EPHX1: variants seen among roughly 807,000 people sequenced by gnomAD.
The protein encoded by EPHX1 is epoxide hydratase.
A neutral mutation model predicts 43.2 loss-of-function variants in EPHX1; 40 were observed. The ratio of observed to expected loss-of-function variants is 0.93; its 90% CI spans 0.72 to 1.21. The LOEUF (loss-of-function observed/expected upper bound fraction) is 1.21, where lower values mean the gene tolerates loss of function less well. EPHX1 is among the 50% of genes most tolerant of loss of function. EPHX1 has a pLI of 0.00. For missense variants in EPHX1, 550 were observed against 570.4 expected, an observed-to-expected ratio of 0.96 and a Z score of 0.36; for synonymous variants, 221 against 226.7, an observed-to-expected ratio of 0.98 and a Z score of 0.22.
At chr1:225,832,460 A>G (rs1223257724) in intron 3 of EPHX1, among the ~76,000 whole-genome samples, 1 of 152,218 alleles carries the variant, frequency 6.6e-6, no homozygotes, top group Non-Finnish European at 1.5e-5. Flanking sequence ...GCTTGAAGCC[A>G]GGAGGCGGAG....
At chr1:225,815,813 G>C (rs907458212) in intron 1 of EPHX1, among the ~76,000 whole-genome samples, 1 of 152,210 alleles carries the variant, frequency 6.6e-6, no homozygotes, top group African/African-American at 2.4e-5. Context: ...GGCTTTCAGT[G>C]CTCTCCTGTT....
intron 7 of EPHX1, among the ~76,000 whole-genome samples, chr1:225,843,189 G>A (rs1016085955): frequency 4.1e-5 from 6 of 147,498 alleles, no homozygotes; most frequent in Non-Finnish European, 7.4e-5. Context: ...GCAAAGGACT[G>A]TGAGAGTCCA....
chr1:225,822,268 T>G (rs1667013638), intron 1 of EPHX1, among the ~76,000 whole-genome samples: 1 of 152,178 alleles, frequency 6.6e-6, no homozygotes, highest in Non-Finnish European at 1.5e-5. Context: ...CAACAAAAAT[T>G]GTATTTTCTT....
intron 3 of EPHX1, among the ~76,000 whole-genome samples, chr1:225,835,382 C>CTTTT (rs763161291): frequency 0.044 from 4,001 of 90,838 alleles, 163 homozygotes; most frequent in African/African-American, 0.062. Flanking sequence ...CCACACTAGG[C>CTTTT]TTTTTTTTTT....
intron 3 of EPHX1, among the ~76,000 whole-genome samples, chr1:225,835,826 G>T (rs1234965686): frequency 6.6e-6 from 1 of 151,722 alleles, no homozygotes; most frequent in African/African-American, 2.4e-5. Flanking sequence ...AGGATTATAG[G>T]TGTGAGCCAC....
chr1:225,825,687 G>A (rs3738042), intron 1 of EPHX1: 37,800 of 152,222 alleles, frequency 0.25, 5,103 homozygotes, highest in Non-Finnish European at 0.3. Context: ...GGAGCTCTTC[G>A]CTGTGCTGGG....
In EPHX1 at chr1:225,822,231, G is replaced by A. The variant is rs574496528; in HGVS notation, c.-5-6494G>A. Among the ~76,000 whole-genome samples, 97 of 152,040 alleles carry A rather than the reference G, an allele frequency of 6.4e-4. No individual in the cohort carries two copies. In the South Asian group the frequency reaches 0.019, roughly 30 times the overall value. On this transcript the variant is annotated intron_variant, in intron 1 of 8. Coordinates refer to ENST00000272167, the MANE Select transcript of EPHX1 (RefSeq NM_001136018.4). ...TAAATGACCACTATCTTCCAGTCAC[G>A]TTTTTAAAAAAAATCATGCTGGTTT...
At chr1:225,821,606 C>T (rs1284172835) in intron 1 of EPHX1, among the ~76,000 whole-genome samples, 2 of 120,260 alleles carry the variant, frequency 1.7e-5, no homozygotes, top group South Asian at 5.6e-4. Flanking sequence ...GGTTCTTCCT[C>T]TCAGGCTGGA....
chr1:225,834,589 T>TAAAAAA (rs33985896), intron 3 of EPHX1, among the ~76,000 whole-genome samples: 2 of 121,152 alleles, frequency 1.7e-5, no homozygotes, highest in South Asian at 2.9e-4. Context: ...CCAAGAACAC[T>TAAAAAA]AAAAAAAAAA....
chr1:225,840,719 A>G (rs1323684827), intron 6 of EPHX1, among the ~76,000 whole-genome samples: 1 of 152,176 alleles, frequency 6.6e-6, no homozygotes, highest in Non-Finnish European at 1.5e-5. Context: ...AAATAGCTCA[A>G]TGACAAGGAA....
chr1:225,811,561 C>T (rs1236833065), intron 1 of EPHX1, among the ~76,000 whole-genome samples: 1 of 152,158 alleles, frequency 6.6e-6, no homozygotes, highest in East Asian at 1.9e-4. Flanking sequence ...GTGGCTGTTT[C>T]GGTACCACTG....
chr1:225,844,421 G>A (rs899393291), intron 7 of EPHX1, 77 bp from the exon 8 acceptor site: 3 of 1,611,798 alleles, frequency 1.9e-6, no homozygotes, highest in African/African-American at 1.3e-5. Flanking sequence ...CCTGGCATTT[G>A]TAGGACTTTC....
At chr1:225,836,609 GAAA>G (rs930131452) in intron 3 of EPHX1, among the ~76,000 whole-genome samples, 1 of 150,266 alleles carries the variant, frequency 6.7e-6, no homozygotes, top group African/African-American at 2.4e-5. Flanking sequence ...AAAAGAAGAA[GAAA>G]AAAAAAGGAA....
At position 225,845,163 on chromosome 1, in the gene EPHX1, C is replaced by G. The variant is rs777203656; in HGVS notation, c.1184C>G (p.Pro395Arg). The change falls in exon 9 of 9, where the codon CCC becomes CGC. Residue 395 changes from proline (P) to arginine (R), a missense_variant. Physicochemically the swap from Pro to Arg is moderately radical, Grantham distance 103. Transcript: ENST00000272167. ...ACTTCCAGGATGAAGGTCTATGTGC[C>G]CACTGGCTTCTCTGCCTTCCCTTTT... is the stretch of plus-strand genomic sequence containing the variant. ...QKHERMKVYVPTGFSAFPFEL... is the reference protein window; with the variant it reads ...QKHERMKVYVRTGFSAFPFEL... The G allele has an allele frequency of 6.2e-7, 1 of 1,614,104 alleles. No individual in the cohort carries two copies. The highest frequency in any genetic ancestry group is 8.5e-7 in the Non-Finnish European group (1 of 1,180,016).
chr1:225,815,422 T>C (rs865882770), intron 1 of EPHX1, among the ~76,000 whole-genome samples: 2 of 134,260 alleles, frequency 1.5e-5, no homozygotes, highest in African/African-American at 6.9e-5. Flanking sequence ...TTTTTTTTTT[T>C]TTTTTTTTTT....
At position 225,828,735 on chromosome 1, in the gene EPHX1, G is replaced by A. The variant is rs1324425276; in HGVS notation, c.6G>A (p.Trp2Ter). 1 of 1,613,536 alleles carries A rather than the reference G, an allele frequency of 6.2e-7. No individual in the cohort carries two copies. Among genetic ancestry groups the A allele is most frequent in the Non-Finnish European group, 8.5e-7 (1 of 1,179,978 alleles). Residue 2 changes from tryptophan (W) to a stop codon, truncating the protein, a stop_gained, in exon 2 of 9, where the codon TGG (tryptophan) becomes TGA (stop). Transcript: ENST00000272167. LOFTEE classifies it high-confidence loss of function. M[W>*]LEILLTSVLG... ...CCCCTCATCTTGCAGGAGCCATGTGGCTAGAAATCCTCCTCACTTCAGTGC... is the reference window on the plus strand; with the variant it reads ...CCCCTCATCTTGCAGGAGCCATGTGACTAGAAATCCTCCTCACTTCAGTGC...
intron 1 of EPHX1, among the ~76,000 whole-genome samples, chr1:225,822,236 T>TA (rs1259089930): frequency 1.1e-4 from 16 of 152,162 alleles, no homozygotes; most frequent in South Asian, 2.1e-4. Flanking sequence ...GTCACGTTTT[T>TA]AAAAAAAATC....
rs1423273187 is a variant in EPHX1, at chr1:225,817,713, A to AAT, written c.-6+7544_-6+7545insAT. Among the ~76,000 whole-genome samples, 6 of 152,352 alleles carry AAT rather than the reference A, an allele frequency of 3.9e-5. No individual in the cohort carries two copies. In the East Asian group the frequency reaches 1.2e-3, roughly 29 times the overall value. ...GCTGCTGTGAGTCTCAGTCACTATT[A>AAT]GAGAAACACAGTCAGAGCCAGGCCT... On this transcript the variant is annotated intron_variant, in intron 1 of 8. Transcript: ENST00000272167. The surrounding 1 kb of genome is among the most constrained non-coding windows in gnomAD (Gnocchi z 5.7).
At chr1:225,840,241 A>C (rs1247811797) in intron 6 of EPHX1, among the ~76,000 whole-genome samples, 1 of 152,202 alleles carries the variant, frequency 6.6e-6, no homozygotes, top group East Asian at 1.9e-4. Flanking sequence ...CCAATTTAGC[A>C]ACTCTGTTTA....
Sources: allele counts gnomAD v4.1 joint callset (sites outside exome capture counted in the v4.1 genomes callset), GRCh38; gene constraint gnomAD v4.1.1; non-coding constraint Gnocchi (gnomAD v3.1); transcripts MANE v1.5; gene names NCBI Gene and HGNC (gene_info 2026-07-23, HGNC 2026-07-21).